Variants in SLC25A12 observed in about 807,000 individuals in gnomAD.
SLC25A12 encodes the protein solute carrier family 25 member 12.
Under a neutral mutation model 83.3 loss-of-function variants are expected in SLC25A12, and 32 were observed. The observed-to-expected ratio is 0.38, with a 90% CI of 0.29 to 0.52. SLC25A12 has a LOEUF of 0.52. Ranked by LOEUF, SLC25A12 falls within the 20% of genes least tolerant of loss-of-function variation. The pLI is 0.84. For synonymous variants in SLC25A12, 267 were observed against 291.1 expected, an observed-to-expected ratio of 0.92 and a Z score of 0.84; for missense variants, 611 against 835.6, an observed-to-expected ratio of 0.73 and a Z score of 3.31.
In SLC25A12 at chr2:171,813,365, T is replaced by A. The variant is rs1683986338; in HGVS notation, c.1145A>T (p.Tyr382Phe). The change falls in exon 11 of 18, where the codon TAT becomes TTT. Residue 382 changes from tyrosine (Y) to phenylalanine (F), a missense_variant. This residue lies in a region of SLC25A12 where 540 missense variants were observed against 777.5 expected (regional missense o/e 0.69). Coordinates refer to ENST00000422440, the MANE Select transcript of SLC25A12 (RefSeq NM_003705.5). ...SFDCFKKVLR[Y>F]EGFFGLYRGL... ...CCTGTAGAGTCCAAAGAAGCCCTCA[T>A]AACGCAAGACTTTCTTAAAACAGTC... is the stretch of plus-strand genomic sequence containing the variant. The A allele has an allele frequency of 2.5e-6, 4 of 1,614,082 alleles. No individual in the cohort carries two copies. The East Asian group carries it at 8.9e-5, about 36-fold the overall frequency.
intron 5 of SLC25A12, among the ~76,000 whole-genome samples, chr2:171,840,848 G>A (rs1684658938): frequency 6.6e-6 from 1 of 152,020 alleles, no homozygotes; most frequent in South Asian, 2.1e-4. Context: ...GAATACCATC[G>A]TGAAATTTCA....
intron 3 of SLC25A12, among the ~76,000 whole-genome samples, chr2:171,859,832 G>T (rs573193478): frequency 6.6e-6 from 1 of 152,114 alleles, no homozygotes; most frequent in South Asian, 2.1e-4. Context: ...CATGATCTCG[G>T]CCCACTGCAA....
intron 17 of SLC25A12, among the ~76,000 whole-genome samples, chr2:171,785,850 G>C (rs1690478441): frequency 6.6e-6 from 1 of 151,956 alleles, no homozygotes; most frequent in Admixed American, 6.5e-5. Flanking sequence ...TGCCAAAGCT[G>C]GTTTCGAACT....
chr2:171,819,320 ACAT>A (rs1250876635), intron 9 of SLC25A12, among the ~76,000 whole-genome samples: 4 of 125,118 alleles, frequency 3.2e-5, no homozygotes, highest in Non-Finnish European at 6.5e-5. Flanking sequence ...TATATATAAT[ACAT>A]AATATATAAT....
At chr2:171,872,529 T>A (rs1685477033) in intron 2 of SLC25A12, among the ~76,000 whole-genome samples, 1 of 152,186 alleles carries the variant, frequency 6.6e-6, no homozygotes, top group African/African-American at 2.4e-5. Context: ...CAAGGAAGTC[T>A]AAAAACAGAA....
intron 8 of SLC25A12, among the ~76,000 whole-genome samples, chr2:171,832,352 TA>T (rs1299304283): frequency 2.0e-5 from 3 of 152,172 alleles, no homozygotes; most frequent in Non-Finnish European, 4.4e-5. Context: ...TTCCAGCCTT[TA>T]ACCAGGGCCA....
chr2:171,792,149 G>T (rs1282594432), intron 14 of SLC25A12, among the ~76,000 whole-genome samples: 1 of 150,708 alleles, frequency 6.6e-6, no homozygotes, highest in Non-Finnish European at 1.5e-5. Context: ...TCATTACCCA[G>T]GGGCAGCTTG....
At chr2:171,819,134 TTATA>T (rs890003383) in intron 9 of SLC25A12, among the ~76,000 whole-genome samples, 3 of 136,408 alleles carry the variant, frequency 2.2e-5, no homozygotes, top group Non-Finnish European at 3.1e-5. Context: ...ATAATACATA[TTATA>T]TATAAATATA....
At chr2:171,874,166 C>T (rs939891275) in intron 2 of SLC25A12, among the ~76,000 whole-genome samples, 1 of 152,138 alleles carries the variant, frequency 6.6e-6, no homozygotes, top group African/African-American at 2.4e-5. Flanking sequence ...GCGGAGGTTG[C>T]GGTGAGCCGA....
chr2:171,809,442 T>A (rs188048652), intron 13 of SLC25A12, 164 bp downstream of exon 13: 135 of 679,526 alleles, frequency 2.0e-4, no homozygotes, highest in Middle Eastern at 8.0e-4. Flanking sequence ...CAAAACCCGT[T>A]AGCTTTTACA....
At chr2:171,814,979 G>A in intron 10 of SLC25A12, 142 bp downstream of exon 10, 1 of 707,612 alleles carries the variant, frequency 1.4e-6, no homozygotes, top group East Asian at 2.8e-5. Flanking sequence ...CTGATCATAG[G>A]TAAAAATAAA....
intron 4 of SLC25A12, among the ~76,000 whole-genome samples, chr2:171,850,741 G>A (rs984875588): frequency 6.6e-6 from 1 of 151,800 alleles, no homozygotes; most frequent in Non-Finnish European, 1.5e-5. Context: ...GATTACAGGC[G>A]TGAGCCACTG....
At chr2:171,827,945 G>C (rs951640185) in intron 8 of SLC25A12, among the ~76,000 whole-genome samples, 2 of 152,130 alleles carry the variant, frequency 1.3e-5, no homozygotes, top group Non-Finnish European at 2.9e-5. Context: ...TCCACAGAGG[G>C]GAACCCTTTC....
chr2:171,863,532 A>C (rs986736695), intron 3 of SLC25A12, among the ~76,000 whole-genome samples: 12 of 148,290 alleles, frequency 8.1e-5, no homozygotes, highest in Non-Finnish European at 1.2e-4. Flanking sequence ...TCTCCGACAA[A>C]AAAAAAAAAA....
intron 13 of SLC25A12, among the ~76,000 whole-genome samples, chr2:171,800,137 CT>C (rs1190437785): frequency 6.6e-6 from 1 of 152,082 alleles, no homozygotes; most frequent in African/African-American, 2.4e-5. Flanking sequence ...TACATAATTA[CT>C]TTTTCTTTAA....
intron 5 of SLC25A12, among the ~76,000 whole-genome samples, chr2:171,839,572 G>A (rs898533383): frequency 2.0e-5 from 3 of 151,976 alleles, no homozygotes; most frequent in African/African-American, 4.8e-5. Flanking sequence ...TAACTCCACC[G>A]TCTTCCAAAA....
intron 8 of SLC25A12, among the ~76,000 whole-genome samples, chr2:171,829,335 CA>C (rs1196110535): frequency 6.6e-6 from 1 of 152,112 alleles, no homozygotes; most frequent in Non-Finnish European, 1.5e-5. Flanking sequence ...AAAACCCAAC[CA>C]TCTGCAAAAC....
At chr2:171,827,173 T>C (rs1684319934) in intron 8 of SLC25A12, among the ~76,000 whole-genome samples, 1 of 152,220 alleles carries the variant, frequency 6.6e-6, no homozygotes, top group Non-Finnish European at 1.5e-5. Flanking sequence ...AGATTGACTG[T>C]CCCTACCCAC....
intron 8 of SLC25A12, among the ~76,000 whole-genome samples, chr2:171,833,181 C>T (rs989006902): frequency 2.0e-5 from 3 of 152,152 alleles, no homozygotes; most frequent in African/African-American, 7.2e-5. Context: ...ATCAAGAAGT[C>T]ACCCTATCTC....
Sources: gnomAD v4.1 joint callset for allele counts (sites outside exome capture counted in the v4.1 genomes callset) on GRCh38, gnomAD v4.1.1 for gene constraint, gnomAD v4.1.1 regional missense constraint, MANE v1.5 for transcripts, NCBI Gene and HGNC (gene_info 2026-07-23, HGNC 2026-07-21) for gene names.